Variants in CTNND2 observed in about 807,000 individuals in gnomAD.
The protein encoded by CTNND2 is catenin delta-2.
A neutral mutation model predicts 144.4 loss-of-function variants in CTNND2; 22 were observed. That is an observed-to-expected ratio of 0.15 (90% CI 0.11 to 0.22). CTNND2 has a LOEUF of 0.22. Among genes scored for constraint, CTNND2 ranks in the 10% least tolerant of loss-of-function variants. CTNND2 has a pLI of 1.00. For missense variants in CTNND2, 1,353 were observed against 1,618.8 expected (o/e 0.84, Z 2.82); for synonymous variants, 751 against 695.6 (o/e 1.08, Z -1.25).
intron 12 of CTNND2, among the ~76,000 whole-genome samples, chr5:11,140,939 T>C (rs1393570180): frequency 6.6e-6 from 1 of 152,182 alleles, no homozygotes; most frequent in Non-Finnish European, 1.5e-5. Flanking sequence ...CTGATTGCTT[T>C]AAAAATTATT....
chr5:11,551,880 T>A (rs1217083171), intron 3 of CTNND2, among the ~76,000 whole-genome samples: 2 of 152,038 alleles, frequency 1.3e-5, no homozygotes, highest in Non-Finnish European at 2.9e-5. Flanking sequence ...GGATTACAGG[T>A]GTGAGCCACC....
intron 7 of CTNND2, among the ~76,000 whole-genome samples, chr5:11,377,479 T>C (rs1330526569): frequency 2.0e-5 from 3 of 152,250 alleles, no homozygotes; most frequent in Non-Finnish European, 4.4e-5. Flanking sequence ...ACAATTATCT[T>C]AGGTAGTTTT....
chr5:11,248,889 T>C (rs1344595525), intron 9 of CTNND2, among the ~76,000 whole-genome samples: 1 of 152,244 alleles, frequency 6.6e-6, no homozygotes, highest in Non-Finnish European at 1.5e-5. Flanking sequence ...TTGGTTTTCA[T>C]CATCATCACC....
intron 11 of CTNND2, among the ~76,000 whole-genome samples, chr5:11,191,781 C>G (rs908922027): frequency 2.0e-5 from 3 of 152,144 alleles, no homozygotes; most frequent in Non-Finnish European, 4.4e-5. Context: ...TGGCAAAGAG[C>G]GGCAGCTTTG....
At chr5:11,422,701 C>T (rs1439270213) in intron 3 of CTNND2, among the ~76,000 whole-genome samples, 1 of 152,202 alleles carries the variant, frequency 6.6e-6, no homozygotes, top group African/African-American at 2.4e-5. Context: ...CTAACAGCCA[C>T]AAAGAATTAG....
rs187198000 is a variant in CTNND2 at position 11,777,578 on chromosome 5, C to G, written c.38-45306G>C. 3.0e-3 allele frequency among the ~76,000 whole-genome samples: 462 copies of G among 152,282 alleles called. 1 individual carries two copies. The highest frequency in any genetic ancestry group is 5.1e-3 in the Non-Finnish European group (348 of 68,020). On this transcript the variant is annotated intron_variant, in intron 1 of 21. Coordinates refer to ENST00000304623, the MANE Select transcript of CTNND2 (RefSeq NM_001332.4). ...TTGCAGAAAAGCACCACTCCTGAAT[C>G]TTAGACAGAGGCCAGCATAAAATTT... is the stretch of plus-strand genomic sequence containing the variant.
chr5:11,238,273 C>T (rs1741853657), intron 9 of CTNND2, among the ~76,000 whole-genome samples: 1 of 152,058 alleles, frequency 6.6e-6, no homozygotes. Flanking sequence ...AACTTGACCC[C>T]ACAAGCCACC....
At chr5:11,562,252 A>G (rs1284594385) in intron 3 of CTNND2, among the ~76,000 whole-genome samples, 2 of 152,222 alleles carry the variant, frequency 1.3e-5, no homozygotes, top group Non-Finnish European at 2.9e-5. Flanking sequence ...GTATGAATCA[A>G]CATCGAAATT....
chr5:11,474,934 T>C (rs550720637), intron 3 of CTNND2, among the ~76,000 whole-genome samples: 1 of 152,208 alleles, frequency 6.6e-6, no homozygotes, highest in Non-Finnish European at 1.5e-5. Flanking sequence ...GCCATACTTC[T>C]GTGACATGTC....
intron 2 of CTNND2, among the ~76,000 whole-genome samples, chr5:11,680,446 G>A (rs1298854595): frequency 6.6e-6 from 1 of 152,040 alleles, no homozygotes; most frequent in African/African-American, 2.4e-5. Context: ...AGAGACCAGG[G>A]CAGCTGCTAA....
chr5:11,761,548 C>T (rs1789263628), intron 1 of CTNND2, among the ~76,000 whole-genome samples: 2 of 149,796 alleles, frequency 1.3e-5, no homozygotes, highest in South Asian at 2.1e-4. Flanking sequence ...ACAATCTAAT[C>T]GCTTTTTCAC....
chr5:11,130,236 G>A (rs1047318144), intron 12 of CTNND2, among the ~76,000 whole-genome samples: 4 of 151,592 alleles, frequency 2.6e-5, no homozygotes, highest in Admixed American at 6.6e-5. Context: ...TGCCCAAAGC[G>A]GTGGTTGCTA....
chr5:11,662,128 T>C (rs12521544), intron 2 of CTNND2, among the ~76,000 whole-genome samples: 56,315 of 145,350 alleles, frequency 0.39, 13,723 homozygotes, highest in Middle Eastern at 0.57. Flanking sequence ...TATATATATA[T>C]ACATATATGT....
intron 3 of CTNND2, among the ~76,000 whole-genome samples, chr5:11,487,732 A>T (rs190989511): frequency 8.1e-4 from 124 of 152,298 alleles, no homozygotes; most frequent in Middle Eastern, 6.8e-3. Context: ...GGTTATTTTT[A>T]TCTTTTGTGT....
intron 2 of CTNND2, among the ~76,000 whole-genome samples, chr5:11,712,881 A>G (rs1786112673): frequency 6.6e-6 from 1 of 152,226 alleles, no homozygotes. Flanking sequence ...AGTATATGCC[A>G]TAGTGAAAAT....
chr5:11,386,047 G>C (rs1199224808), intron 6 of CTNND2: 1 of 152,192 alleles, frequency 6.6e-6, no homozygotes, highest in Non-Finnish European at 1.5e-5. Context: ...TTATTTACAA[G>C]AACACAAAAG....
intron 16 of CTNND2, among the ~76,000 whole-genome samples, chr5:11,040,674 CAA>C (rs1744607017): frequency 6.6e-6 from 1 of 152,102 alleles, no homozygotes; most frequent in South Asian, 2.1e-4. Flanking sequence ...AGTTAATTAA[CAA>C]GAGATTTGCT....
At chr5:11,762,824 A>C (rs1789348155) in intron 1 of CTNND2, among the ~76,000 whole-genome samples, 1 of 152,204 alleles carries the variant, frequency 6.6e-6, no homozygotes, top group African/African-American at 2.4e-5. Context: ...GAAACCACAC[A>C]TTTGAGTTCA....
intron 1 of CTNND2, among the ~76,000 whole-genome samples, chr5:11,877,107 T>C (rs1735625666): frequency 1.3e-5 from 2 of 152,272 alleles, no homozygotes; most frequent in South Asian, 4.2e-4. Flanking sequence ...ATTATAAGCC[T>C]TAGATTTCAG....
Sources: allele counts gnomAD v4.1 joint callset (sites outside exome capture counted in the v4.1 genomes callset), GRCh38; gene constraint gnomAD v4.1.1; transcripts MANE v1.5; gene names NCBI Gene and HGNC (gene_info 2026-07-23, HGNC 2026-07-21).